RGS6: variants seen among roughly 807,000 people sequenced by gnomAD.
The protein encoded by RGS6 is regulator of G-protein signaling 6.
Under a neutral mutation model 78.5 loss-of-function variants are expected in RGS6, and 30 were observed. That is an observed-to-expected ratio of 0.38 (90% CI 0.29 to 0.52). The LOEUF (loss-of-function observed/expected upper bound fraction) is 0.52. Ranked by LOEUF, RGS6 falls within the 20% of genes least tolerant of loss-of-function variation. The pLI is 0.85. For synonymous variants in RGS6, 206 were observed against 206.0 expected, an observed-to-expected ratio of 1.00 and a Z score of 0.00; for missense variants, 495 against 609.7, an observed-to-expected ratio of 0.81 and a Z score of 1.98.
chr14:71,955,631 C>G (rs1355220807), intron 1 of RGS6, among the ~76,000 whole-genome samples: 1 of 152,078 alleles, frequency 6.6e-6, no homozygotes, highest in Non-Finnish European at 1.5e-5. Flanking sequence ...TGTCATGGCG[C>G]TGGTGGGAGT....
At chr14:72,626,865 C>T in the RGS6 span, among the ~76,000 whole-genome samples, 2 of 151,926 alleles carry the variant, frequency 1.3e-5, no homozygotes, top group African/African-American at 2.4e-5. Flanking sequence ...TCAACTTTTG[C>T]CCATCTGATA....
At chr14:72,606,331 A>G in the RGS6 span, among the ~76,000 whole-genome samples, 2 of 152,112 alleles carry the variant, frequency 1.3e-5, no homozygotes, top group African/African-American at 2.4e-5. Context: ...ATAGAAACTC[A>G]TGCCTGTATC....
chr14:72,459,154 A>G (rs192275188), intron 5 of RGS6, among the ~76,000 whole-genome samples: 4 of 152,038 alleles, frequency 2.6e-5, no homozygotes, highest in Admixed American at 6.5e-5. Flanking sequence ...TGAAGTTTCT[A>G]TTTGCGACCT....
chr14:72,197,043 A>G (rs957774867), intron 2 of RGS6, among the ~76,000 whole-genome samples: 1 of 152,086 alleles, frequency 6.6e-6, no homozygotes, highest in Non-Finnish European at 1.5e-5. Flanking sequence ...CAGCCCTCCA[A>G]ATTCCAAATA....
chr14:72,501,134 G>A (rs1422837634), intron 13 of RGS6, among the ~76,000 whole-genome samples: 1 of 152,034 alleles, frequency 6.6e-6, no homozygotes, highest in Non-Finnish European at 1.5e-5. Flanking sequence ...GGGTGAAGGG[G>A]TCCAGGCAGG....
chr14:72,432,565 C>G (rs948505732), intron 3 of RGS6, among the ~76,000 whole-genome samples: 1 of 152,174 alleles, frequency 6.6e-6, no homozygotes, highest in Admixed American at 6.5e-5. Context: ...AGTCCTTAAT[C>G]AGAAAGCAAT....
intron 3 of RGS6, among the ~76,000 whole-genome samples, chr14:72,427,041 C>T (rs1461564124): frequency 6.6e-6 from 1 of 152,216 alleles, no homozygotes; most frequent in African/African-American, 2.4e-5. Context: ...AAGTGCCCAG[C>T]TCACATCCCT....
intron 3 of RGS6, among the ~76,000 whole-genome samples, chr14:72,423,064 C>A (rs1051806172): frequency 6.6e-6 from 1 of 152,196 alleles, no homozygotes; most frequent in East Asian, 1.9e-4. Flanking sequence ...TGACAGGTGG[C>A]CACACGGCAG....
At chr14:72,383,818 A>G (rs545947468) in intron 3 of RGS6, among the ~76,000 whole-genome samples, 2 of 152,256 alleles carry the variant, frequency 1.3e-5, no homozygotes, top group South Asian at 4.2e-4. Context: ...GGGACGGTAG[A>G]GATTTTAAAC....
At chr14:72,402,794 T>G (rs1481916208) in intron 3 of RGS6, among the ~76,000 whole-genome samples, 46 of 136,814 alleles carry the variant, frequency 3.4e-4, no homozygotes, top group African/African-American at 7.2e-4. Flanking sequence ...TTTTTGGTTT[T>G]TTTTTTTTTT....
chr14:72,448,005 A>G (rs550081514), intron 3 of RGS6, among the ~76,000 whole-genome samples: 65 of 152,348 alleles, frequency 4.3e-4, no homozygotes, highest in African/African-American at 1.5e-3. Flanking sequence ...ATAAACGCAC[A>G]GGGCCAGCAG....
chr14:72,149,478 T>G (rs1044842364), intron 2 of RGS6, among the ~76,000 whole-genome samples: 4 of 152,186 alleles, frequency 2.6e-5, no homozygotes, highest in Admixed American at 1.3e-4. Flanking sequence ...AGAAATTATA[T>G]TCAATAGAAG....
intron 2 of RGS6, among the ~76,000 whole-genome samples, chr14:72,050,515 A>G (rs964965786): frequency 6.6e-6 from 1 of 152,160 alleles, no homozygotes; most frequent in African/African-American, 2.4e-5. Context: ...TTCATAGTGG[A>G]TGGTTGAAAT....
intron 13 of RGS6, among the ~76,000 whole-genome samples, chr14:72,509,828 A>G (rs2096857107): frequency 6.6e-6 from 1 of 152,172 alleles, no homozygotes; most frequent in African/African-American, 2.4e-5. Context: ...CTAGTGAAAA[A>G]ATTAGAGTCA....
intron 2 of RGS6, among the ~76,000 whole-genome samples, chr14:72,281,904 A>G (rs1016850253): frequency 2.0e-5 from 3 of 152,210 alleles, no homozygotes; most frequent in African/African-American, 7.2e-5. Context: ...TTGTTAATAT[A>G]TAAGACACAA....
intron 2 of RGS6, among the ~76,000 whole-genome samples, chr14:72,203,476 G>T (rs1474189215): frequency 6.6e-6 from 1 of 152,194 alleles, no homozygotes. Flanking sequence ...GGGTACCAAG[G>T]CTGCAGTCAT....
At chr14:72,392,488 C>T (rs1216203553) in intron 3 of RGS6, among the ~76,000 whole-genome samples, 3 of 152,104 alleles carry the variant, frequency 2.0e-5, no homozygotes, top group Non-Finnish European at 4.4e-5. Flanking sequence ...CACAGACATA[C>T]ACACGCACCT....
intron 2 of RGS6, among the ~76,000 whole-genome samples, chr14:72,319,516 T>TG (rs2071297576): frequency 6.6e-6 from 1 of 152,184 alleles, no homozygotes; most frequent in Non-Finnish European, 1.5e-5. Context: ...CATGCCCGGC[T>TG]AATTTTTTTG....
intron 2 of RGS6, among the ~76,000 whole-genome samples, chr14:72,209,204 G>T (rs908177001): frequency 5.3e-5 from 8 of 152,182 alleles, no homozygotes; most frequent in African/African-American, 1.9e-4. Context: ...TTGTGCCACT[G>T]CACTCCAGCC....
Sources: allele counts gnomAD v4.1 joint callset (sites outside exome capture counted in the v4.1 genomes callset), GRCh38; gene constraint gnomAD v4.1.1; transcripts MANE v1.5; gene names NCBI Gene and HGNC (gene_info 2026-07-23, HGNC 2026-07-21).